The following PXDNL variants were observed in gnomAD, a reference collection of about 807,000 sequenced individuals.
The protein encoded by PXDNL is peroxidasin like, also known as probable oxidoreductase PXDNL.
In PXDNL, 145 loss-of-function variants were observed where a neutral mutation model predicts 150.8. The ratio of observed to expected loss-of-function variants is 0.96; its 90% CI spans 0.84 to 1.10. The LOEUF (loss-of-function observed/expected upper bound fraction) is 1.10. Among genes scored for constraint, PXDNL ranks in the 50% least tolerant of loss-of-function variants. The probability of loss-of-function intolerance (pLI) is 0.00; values close to 1 mark genes in which losing one functional copy is unlikely to be tolerated. For synonymous variants in PXDNL, 757 were observed against 725.7 expected (o/e 1.04, Z -0.69); for missense variants, 2,087 against 1,873.9 (o/e 1.11, Z -2.10).
Position 51,577,991 on chromosome 8 carries a change from GAAAGAAAGAGGAAGGAAGGAAGGAAGGA to G in PXDNL, c.308+14608_308+14635del, listed in dbSNP as rs1215844069. Among the ~76,000 whole-genome samples, 185 of 55,744 alleles carry G rather than the reference GAAAGAAAGAGGAAGGAAGGAAGGAAGGA, an allele frequency of 3.3e-3. 1 individual carries two copies. Among genetic ancestry groups the G allele is most frequent in the African/African-American group, 0.011 (161 of 14,210 alleles). The allele number at this position is 55,744 out of a possible 152,430, so 36.6% of individuals were successfully genotyped here. A position where few individuals can be genotyped will look rare whatever the true frequency, so the allele number is the denominator to read the frequency against. On this transcript the variant is annotated intron_variant, in intron 3 of 22. Transcript: ENST00000356297. ...AGAAAGAAAGAAAGAAAGAAAGAAAGAAAGAAAGAGGAAGGAAGGAAGGAAGGAAGGAAGGAAGGAAGGAAGGAAGGAA... is the reference window on the plus strand; with the variant it reads ...AGAAAGAAAGAAAGAAAGAAAGAAAGAGGAAGGAAGGAAGGAAGGAAGGAA...
chr8:51,410,769 A>C (rs975601424), intron 16 of PXDNL, among the ~76,000 whole-genome samples: 2 of 152,178 alleles, frequency 1.3e-5, no homozygotes, highest in Non-Finnish European at 2.9e-5. Context: ...AGAAATACAC[A>C]AGAACTTGGA....
At chr8:51,785,921 T>C (rs562952069) in intron 1 of PXDNL, among the ~76,000 whole-genome samples, 22 of 152,312 alleles carry the variant, frequency 1.4e-4, no homozygotes, top group Non-Finnish European at 2.6e-4. Context: ...CCTCTGTACC[T>C]TAGACCAGAG....
rs536700669 is a variant in PXDNL at position 51,533,909 on chromosome 8, C to T, written c.380+22931G>A. 8.7e-4 allele frequency among the ~76,000 whole-genome samples: 128 copies of T among 147,280 alleles called. 1 individual carries two copies. The highest frequency in any genetic ancestry group is 3.0e-3 in the African/African-American group (118 of 39,248). ...TGCAGCCTCTGCCCAGCCGCCACCC[C>T]GTCTGGGAAGTGAGGAGCGTCTCTG... On this transcript the variant is annotated intron_variant, in intron 4 of 22. Coordinates refer to ENST00000356297, the MANE Select transcript of PXDNL (RefSeq NM_144651.5).
At chr8:51,377,105 T>TACACAC (rs772419401) in intron 17 of PXDNL, among the ~76,000 whole-genome samples, 47,349 of 140,398 alleles carry the variant, frequency 0.34, 9,226 homozygotes, top group Non-Finnish European at 0.44. Flanking sequence ...CTCTACCCTT[T>TACACAC]ACACACACAC....
chr8:51,348,748 T>C (rs1017352), intron 19 of PXDNL, among the ~76,000 whole-genome samples: 118,594 of 152,032 alleles, frequency 0.78, 46,413 homozygotes, highest in East Asian at 0.94. Flanking sequence ...TACAATAACC[T>C]ATACTCAATA....
At chr8:51,442,721 C>T (rs1378129423) in intron 12 of PXDNL, among the ~76,000 whole-genome samples, 1 of 151,916 alleles carries the variant, frequency 6.6e-6, no homozygotes, top group African/African-American at 2.4e-5. Context: ...ATAAATACCA[C>T]TAATGTTTTT....
Position 51,800,973 on chromosome 8 carries a change from G to A in PXDNL, c.164+8208C>T, listed in dbSNP as rs544394801. 5.3e-4 allele frequency among the ~76,000 whole-genome samples: 80 copies of A among 152,280 alleles called. No homozygotes were observed. In the South Asian group the frequency reaches 0.015, roughly 29 times the overall value. On this transcript the variant is annotated intron_variant, in intron 1 of 22. Coordinates refer to ENST00000356297, the MANE Select transcript of PXDNL (RefSeq NM_144651.5). ...ACAAACAGAATAGCAGTGATTTTAG[G>A]GAACAAGGGAAGACAACCAAAGGTC...
At chr8:51,451,124 A>C (rs1166951164) in intron 10 of PXDNL, among the ~76,000 whole-genome samples, 1 of 151,018 alleles carries the variant, frequency 6.6e-6, no homozygotes, top group Non-Finnish European at 1.5e-5. Flanking sequence ...TAACATATTA[A>C]AATTTAATTT....
intron 1 of PXDNL, among the ~76,000 whole-genome samples, chr8:51,778,143 T>A (rs1032997040): frequency 1.3e-5 from 2 of 151,842 alleles, no homozygotes; most frequent in Non-Finnish European, 2.9e-5. Flanking sequence ...GAGACCATCC[T>A]GGCTAACACA....
chr8:51,769,405 C>A (rs2037268572), intron 1 of PXDNL, among the ~76,000 whole-genome samples: 1 of 152,196 alleles, frequency 6.6e-6, no homozygotes, highest in Non-Finnish European at 1.5e-5. Context: ...GCTCCTGCCA[C>A]CTGTCTCTAC....
chr8:51,462,867 G>GA (rs113382312), intron 8 of PXDNL, among the ~76,000 whole-genome samples: 1,709 of 150,626 alleles, frequency 0.011, 34 homozygotes, highest in African/African-American at 0.039. Context: ...AGGTCAACAT[G>GA]AAAAAAAAAC....
intron 1 of PXDNL, chr8:51,722,135 C>T: frequency 6.0e-6 from 1 of 167,422 alleles, no homozygotes; most frequent in Non-Finnish European, 1.3e-5. Flanking sequence ...GTCGGCTGAG[C>T]TTTCCCTGGT....
intron 19 of PXDNL, among the ~76,000 whole-genome samples, chr8:51,350,776 T>C (rs1054900303): frequency 6.6e-6 from 1 of 152,188 alleles, no homozygotes; most frequent in African/African-American, 2.4e-5. Context: ...TACACATGCA[T>C]ATCTATGCTT....
chr8:51,608,201 A>T (rs1813906932), intron 2 of PXDNL, among the ~76,000 whole-genome samples: 1 of 147,496 alleles, frequency 6.8e-6, no homozygotes, highest in Non-Finnish European at 1.5e-5. Context: ...CATCCTGGCT[A>T]ACATGGTGAA....
In PXDNL at chr8:51,468,256, C is replaced by T. The variant is rs568326350; in HGVS notation, c.812+3931G>A. On this transcript the variant is annotated intron_variant, in intron 8 of 22. Transcript: ENST00000356297. ...AAAATTTCTTGCTATAATTGGATTT[C>T]CGTAAATACATCCTTATAATTCTCT... 1.5e-4 allele frequency among the ~76,000 whole-genome samples: 23 copies of T among 152,016 alleles called. No homozygotes were observed. The South Asian group carries it at 4.8e-3, about 32-fold the overall frequency.
chr8:51,355,661 T>A, intron 19 of PXDNL, among the ~76,000 whole-genome samples: 1 of 152,198 alleles, frequency 6.6e-6, no homozygotes, highest in East Asian at 1.9e-4. Flanking sequence ...GCAAAGTCAA[T>A]TTTATCAGTA....
intron 4 of PXDNL, among the ~76,000 whole-genome samples, chr8:51,517,258 G>A (rs1475509361): frequency 6.6e-6 from 1 of 152,040 alleles, no homozygotes; most frequent in Non-Finnish European, 1.5e-5. Flanking sequence ...AATTCTCCAG[G>A]TGATTCTTAC....
At chr8:51,465,098 C>CA (rs1810175241) in intron 8 of PXDNL, among the ~76,000 whole-genome samples, 1 of 151,904 alleles carries the variant, frequency 6.6e-6, no homozygotes. Flanking sequence ...AGAGACACAA[C>CA]AAAAAAGGAA....
chr8:51,708,640 G>A (rs1345713922), intron 1 of PXDNL, among the ~76,000 whole-genome samples: 1 of 152,090 alleles, frequency 6.6e-6, no homozygotes, highest in Non-Finnish European at 1.5e-5. Context: ...AAATAATGGA[G>A]ACCCTTTGTA....
Sources: allele counts gnomAD v4.1 joint callset (sites outside exome capture counted in the v4.1 genomes callset), GRCh38; gene constraint gnomAD v4.1.1; transcripts MANE v1.5; gene names NCBI Gene and HGNC (gene_info 2026-07-23, HGNC 2026-07-21).